Variants in TRIM33 observed in about 807,000 individuals in gnomAD.
The protein encoded by TRIM33 is tripartite motif containing 33, also known as E3 ubiquitin-protein ligase TRIM33.
TRIM33 carries 20 observed loss-of-function variants against 125.4 expected under a neutral mutation model. That is an observed-to-expected ratio of 0.16 (90% CI 0.11 to 0.23). TRIM33 has a LOEUF of 0.23. Ranked by LOEUF, TRIM33 falls within the 10% of genes least tolerant of loss-of-function variation. The probability of loss-of-function intolerance (pLI) is 1.00; values close to 1 mark genes in which losing one functional copy is unlikely to be tolerated. For missense variants in TRIM33, 920 were observed against 1,411.4 expected, an observed-to-expected ratio of 0.65 and a Z score of 5.58; for synonymous variants, 564 against 513.9, an observed-to-expected ratio of 1.10 and a Z score of -1.32.
At chr1:114,485,647 C>G (rs1426808310) in intron 1 of TRIM33, among the ~76,000 whole-genome samples, 1 of 152,290 alleles carries the variant, frequency 6.6e-6, no homozygotes, top group East Asian at 1.9e-4. Context: ...TTTCATCTCA[C>G]CTATCTGCAA....
Position 114,401,468 on chromosome 1 carries a change from C to T in TRIM33, c.2893-5G>A, listed in dbSNP as rs1051319254. 3 of 1,609,748 alleles carry T rather than the reference C, an allele frequency of 1.9e-6. No individual in the cohort carries two copies. The highest frequency in any genetic ancestry group is 1.7e-4 in the Middle Eastern group (1 of 6,046). The stretch of plus-strand genomic sequence containing the variant: ...AAGCAGAAGACGTTCACATTTCTGG[C>T]CCAAACAAGGAAAGGAAAGCACATG... On this transcript the variant is annotated splice_polypyrimidine_tract_variant and splice_region_variant and intron_variant, in intron 16 of 19. Coordinates refer to ENST00000358465, the MANE Select transcript of TRIM33 (RefSeq NM_015906.4).
At chr1:114,464,885 G>C (rs181162225) in intron 1 of TRIM33, among the ~76,000 whole-genome samples, 16 of 152,248 alleles carry the variant, frequency 1.1e-4, no homozygotes, top group African/African-American at 3.9e-4. Context: ...AGAAGCCGGA[G>C]AAAAGAAAGA....
chr1:114,506,022 C>T (rs1652979649), intron 1 of TRIM33, among the ~76,000 whole-genome samples: 1 of 152,156 alleles, frequency 6.6e-6, no homozygotes, highest in Non-Finnish European at 1.5e-5. Flanking sequence ...AGGAACTCAG[C>T]CTCTTCGTAT....
chr1:114,426,678 T>C (rs1310131285), intron 8 of TRIM33, among the ~76,000 whole-genome samples: 1 of 152,170 alleles, frequency 6.6e-6, no homozygotes, highest in Non-Finnish European at 1.5e-5. Flanking sequence ...CTTTCATCTA[T>C]GGTCTTTAGG....
rs1240972957 is a variant in TRIM33 at position 114,463,394 on chromosome 1, A to T, written c.790+18T>A. ...GTTAACTGTAATCATTGTAATGATT[A>T]CAATGCATCTATCTTACCTGAGACA... On this transcript the variant is annotated intron_variant, in intron 3 of 19. Coordinates refer to ENST00000358465, the MANE Select transcript of TRIM33 (RefSeq NM_015906.4). 6.2e-7 allele frequency: 1 copy of T among 1,607,686 alleles called. No homozygotes were observed. The highest frequency in any genetic ancestry group is 1.3e-5 in the African/African-American group (1 of 74,624).
intron 4 of TRIM33, among the ~76,000 whole-genome samples, chr1:114,455,977 G>A (rs1649592583): frequency 6.6e-6 from 1 of 152,172 alleles, no homozygotes; most frequent in African/African-American, 2.4e-5. Flanking sequence ...TGACAGGGAG[G>A]CCCAAGGCAC....
At chr1:114,427,029 G>A in intron 8 of TRIM33, 148 bp downstream of exon 8, 1 of 486,024 alleles carries the variant, frequency 2.1e-6, no homozygotes, top group African/African-American at 2.0e-5. Context: ...CAGCTAAAGT[G>A]AGTTTCCAAT....
intron 17 of TRIM33, among the ~76,000 whole-genome samples, chr1:114,401,022 C>T (rs955682171): frequency 6.6e-6 from 1 of 151,496 alleles, no homozygotes; most frequent in African/African-American, 2.4e-5. Context: ...AGTCTAAGGC[C>T]ATACTCTTTT....
chr1:114,397,609 T>A lies in TRIM33; in HGVS notation c.*39A>T. 7 of 1,177,448 alleles carry A rather than the reference T, an allele frequency of 5.9e-6. No homozygotes were observed. The highest frequency in any genetic ancestry group is 8.4e-6 in the Non-Finnish European group (7 of 835,642). 72.9% of individuals were successfully genotyped at this position (1,177,448 alleles called of 1,614,324 possible). ...TTTGTGTTTTTTTTTTTTTTTTCGT[T>A]TTTTTTTTTTTAAACAATTGATTTA... On this transcript the variant is annotated 3_prime_UTR_variant, in exon 20 of 20. Coordinates refer to ENST00000358465, the MANE Select transcript of TRIM33 (RefSeq NM_015906.4).
At chr1:114,463,608 TAAA>T (rs34437690) in intron 2 of TRIM33, 52 bp from the exon 3 acceptor site, 212 of 829,304 alleles carry the variant, frequency 2.6e-4, no homozygotes, top group Middle Eastern at 8.6e-4. Context: ...AATCTAGATC[TAAA>T]AAAAAAAAAA....
chr1:114,415,946 T>TAAAA (rs34898099), intron 11 of TRIM33, among the ~76,000 whole-genome samples: 1 of 91,516 alleles, frequency 1.1e-5, no homozygotes. Flanking sequence ...AGACTCCATC[T>TAAAA]AAAAAAAAAA....
intron 1 of TRIM33, among the ~76,000 whole-genome samples, chr1:114,480,734 G>T (rs920495797): frequency 6.6e-6 from 1 of 152,018 alleles, no homozygotes; most frequent in Non-Finnish European, 1.5e-5. Context: ...GAAAAGAAGA[G>T]ATTGTCAAAC....
Position 114,511,196 on chromosome 1 carries a change from A to C in TRIM33, c.-120T>G. On this transcript the variant is annotated 5_prime_UTR_variant, in exon 1 of 20. Transcript: ENST00000358465. ...AGCGGCAGCCGAGAGCTAGCGAGAG[A>C]GCGAACCAACGAGAGCGCGCGCGCA... 4.1e-6 allele frequency: 4 copies of C among 966,572 alleles called. No individual in the cohort carries two copies. Among genetic ancestry groups the C allele is most frequent in the Non-Finnish European group, 3.7e-6 (3 of 801,052 alleles). 59.9% of individuals were successfully genotyped at this position (966,572 alleles called of 1,614,324 possible). A position where few individuals can be genotyped will look rare whatever the true frequency, so the allele number is the denominator to read the frequency against.
At position 114,418,219 on chromosome 1, in the gene TRIM33, C is replaced by A. The variant is rs1653056237; in HGVS notation, c.2061+3217G>T. Among the ~76,000 whole-genome samples the A allele has an allele frequency of 2.0e-5, 3 of 152,168 alleles. No homozygotes were observed. The South Asian group carries it at 6.2e-4, about 32-fold the overall frequency. On this transcript the variant is annotated intron_variant, in intron 11 of 19. Coordinates refer to ENST00000358465, the MANE Select transcript of TRIM33 (RefSeq NM_015906.4). ...GCAGAGGAAACTGCCACTTTAAAAA[C>A]CATCAGATCTTGTGAGAACAGCATG...
intron 4 of TRIM33, among the ~76,000 whole-genome samples, chr1:114,435,450 A>C (rs1223484904): frequency 1.3e-5 from 2 of 152,218 alleles, no homozygotes; most frequent in Non-Finnish European, 2.9e-5. Flanking sequence ...ATGGGCACTA[A>C]AATCACAAAA....
At chr1:114,433,808 T>C (rs1401125084) in intron 4 of TRIM33, 75 bp from the exon 5 acceptor site, 2 of 901,962 alleles carry the variant, frequency 2.2e-6, no homozygotes, top group Non-Finnish European at 3.5e-6. Context: ...AACAGCTAAA[T>C]GAGTCAATCT....
intron 1 of TRIM33, among the ~76,000 whole-genome samples, chr1:114,508,785 C>G (rs1365684489): frequency 1.3e-5 from 2 of 152,186 alleles, no homozygotes; most frequent in Non-Finnish European, 2.9e-5. Context: ...AATATACTAG[C>G]TACCATTTCA....
chr1:114,473,700 T>G (rs370340233), intron 1 of TRIM33, among the ~76,000 whole-genome samples: 26 of 152,214 alleles, frequency 1.7e-4, no homozygotes, highest in African/African-American at 6.3e-4. Flanking sequence ...TGACATTGAT[T>G]CTTTGAAGAG....
chr1:114,421,652 A>G lies in TRIM33; in HGVS notation c.1861-16T>C. The G allele has an allele frequency of 6.2e-7, 1 of 1,612,552 alleles. No individual in the cohort carries two copies. Among genetic ancestry groups the G allele is most frequent in the Non-Finnish European group, 8.5e-7 (1 of 1,178,606 alleles). ...GGTTTGAGTGCTAATAAGAAAGAAG[A>G]CATTATCATTACTTGATCTGCCAGA... On this transcript the variant is annotated splice_polypyrimidine_tract_variant and intron_variant, in intron 10 of 19. Transcript: ENST00000358465.
Sources: gnomAD v4.1 joint callset for allele counts (sites outside exome capture counted in the v4.1 genomes callset) on GRCh38, gnomAD v4.1.1 for gene constraint, MANE v1.5 for transcripts, NCBI Gene and HGNC (gene_info 2026-07-23, HGNC 2026-07-21) for gene names.